Variants in FRMD8 observed in about 807,000 individuals in gnomAD.
FRMD8 encodes the protein FERM domain-containing protein 8.
Under a neutral mutation model 54.2 loss-of-function variants are expected in FRMD8, and 37 were observed. That is an observed-to-expected ratio of 0.68 (90% CI 0.53 to 0.90). The LOEUF (loss-of-function observed/expected upper bound fraction) is 0.90. Among genes scored for constraint, FRMD8 ranks in the 40% least tolerant of loss-of-function variants. The pLI is 0.00. For synonymous variants in FRMD8, 246 were observed against 286.9 expected (o/e 0.86, Z 1.44); for missense variants, 585 against 653.7 (o/e 0.89, Z 1.15).
At chr11:65,389,670 G>A in intron 3 of FRMD8, 142 bp downstream of exon 3, 2 of 841,556 alleles carry the variant, frequency 2.4e-6, no homozygotes, top group Non-Finnish European at 3.6e-6. Flanking sequence ...TTTATCCTGA[G>A]CTGTCCACCT....
chr11:65,411,105 C>A, intron 10 of FRMD8, 137 bp from the exon 11 acceptor site: 2 of 632,552 alleles, frequency 3.2e-6, no homozygotes, highest in Non-Finnish European at 5.4e-6. Flanking sequence ...GGGGCTGAGG[C>A]TCGGATGAGG....
At chr11:65,380,918 G>A in the FRMD8 span, 1 of 232,936 alleles carries the variant, frequency 4.3e-6, no homozygotes, top group South Asian at 4.5e-5. Flanking sequence ...GAGGTCAAAG[G>A]TGAACTTCCT....
chr11:65,406,122 A>G (rs1590660384), intron 10 of FRMD8, among the ~76,000 whole-genome samples: 1 of 149,836 alleles, frequency 6.7e-6, no homozygotes, highest in South Asian at 2.1e-4. Context: ...CCGCCTCCCC[A>G]GTTCTAGTGA....
intron 1 of FRMD8, 84 bp downstream of exon 1, chr11:65,386,845 C>G: frequency 1.7e-6 from 1 of 588,276 alleles, no homozygotes. Flanking sequence ...AGGTCGACCC[C>G]CGGTTCTTGA....
the FRMD8 span, among the ~76,000 whole-genome samples, chr11:65,371,220 G>A: frequency 2.6e-5 from 4 of 152,122 alleles, no homozygotes; most frequent in Non-Finnish European, 5.9e-5. Flanking sequence ...TCATCTCGTG[G>A]TTGTGTCATT....
intron 3 of FRMD8, among the ~76,000 whole-genome samples, chr11:65,390,567 C>A (rs985833878): frequency 6.6e-6 from 1 of 151,996 alleles, no homozygotes; most frequent in Non-Finnish European, 1.5e-5. Flanking sequence ...ACCCCCTCCC[C>A]CCTGCCAGTA....
chr11:65,394,359 G>A lies in FRMD8; in HGVS notation c.515G>A (p.Gly172Asp), dbSNP rs1202391878. The A allele has an allele frequency of 6.3e-7, 1 of 1,578,108 alleles. No homozygotes were observed. The change falls in exon 6 of 11, where the codon GGC becomes GAC. Residue 172 changes from glycine to aspartate, a missense_variant. Transcript: ENST00000317568. ...PCDVEDCEALGALVCRVQLGP... is the reference protein window; with the variant it reads ...PCDVEDCEALDALVCRVQLGP... The stretch of plus-strand genomic sequence containing the variant: ...GACGTGGAGGACTGCGAGGCTCTGG[G>A]CGCCCTGGTGTGCCGCGTGCAGCTT...
chr11:65,403,719 TGAG>T (rs1335731850), intron 9 of FRMD8, among the ~76,000 whole-genome samples: 1 of 152,248 alleles, frequency 6.6e-6, no homozygotes, highest in Non-Finnish European at 1.5e-5. Context: ...TTCATCAGGT[TGAG>T]GAAGTTCCTT....
chr11:65,377,299 G>A, the FRMD8 span: 2 of 1,394,568 alleles, frequency 1.4e-6, no homozygotes, highest in Middle Eastern at 2.7e-4. Context: ...AAGAGTGAGA[G>A]GCACTGCCCC....
At chr11:65,405,500 G>A (rs1856176128) in intron 10 of FRMD8, among the ~76,000 whole-genome samples, 1 of 152,180 alleles carries the variant, frequency 6.6e-6, no homozygotes, top group Admixed American at 6.5e-5. Flanking sequence ...GCAGGCGCCT[G>A]TAATCCCAGC....
At chr11:65,406,078 A>T (rs909796821) in intron 10 of FRMD8, among the ~76,000 whole-genome samples, 1 of 151,818 alleles carries the variant, frequency 6.6e-6, no homozygotes, top group African/African-American at 2.4e-5. Context: ...CCCAGGCTGG[A>T]GTACAGTGGC....
chr11:65,394,592 A>G (rs1052657498), intron 6 of FRMD8, among the ~76,000 whole-genome samples, 167 bp downstream of exon 6: 7 of 152,222 alleles, frequency 4.6e-5, no homozygotes, highest in African/African-American at 9.6e-5. Context: ...TCCGCCCCTC[A>G]GCCTCCTTTT....
intron 10 of FRMD8, among the ~76,000 whole-genome samples, chr11:65,407,074 G>C (rs1292905193): frequency 2.0e-5 from 3 of 152,198 alleles, no homozygotes; most frequent in African/African-American, 4.8e-5. Flanking sequence ...TACTGTGTCA[G>C]TGTTCATTCC....
intron 7 of FRMD8, among the ~76,000 whole-genome samples, chr11:65,399,374 T>G (rs1215118395): frequency 6.6e-6 from 1 of 151,972 alleles, no homozygotes; most frequent in Non-Finnish European, 1.5e-5. Context: ...TGCTGAAAGG[T>G]CTCCGCCTGG....
chr11:65,370,339 C>T, the FRMD8 span, among the ~76,000 whole-genome samples: 6 of 151,602 alleles, frequency 4.0e-5, no homozygotes, highest in Non-Finnish European at 8.8e-5. Flanking sequence ...GGAGCTTGCC[C>T]TGGTTCTGCA....
At chr11:65,410,958 A>AC (rs940120082) in intron 10 of FRMD8, among the ~76,000 whole-genome samples, 3 of 152,188 alleles carry the variant, frequency 2.0e-5, no homozygotes, top group Non-Finnish European at 2.9e-5. Flanking sequence ...CCAGGATCCC[A>AC]CCAGGACCCC....
In FRMD8 at chr11:65,389,456, G is replaced by C. The variant is rs576827620; in HGVS notation, c.181G>C (p.Val61Leu). The C allele has an allele frequency of 6.2e-6, 10 of 1,609,332 alleles. No individual in the cohort carries two copies. The highest frequency in any genetic ancestry group is 7.6e-6 in the Non-Finnish European group (9 of 1,179,974). The change falls in exon 3 of 11, where the codon GTC becomes CTC. Residue 61 changes from valine (V) to leucine (L), a missense_variant. Physicochemically the swap from Val to Leu is conservative, Grantham distance 32. Coordinates refer to ENST00000317568, the MANE Select transcript of FRMD8 (RefSeq NM_031904.5). ...SLSAHELHRA[V>L]REVLQLPDIA... Reference sequence around the variant, plus strand: ...CAGTGCCCATGAGCTGCACCGCGCTGTCCGCGAGGTCCTGCAGCTTCCAGA... The same window carrying C: ...CAGTGCCCATGAGCTGCACCGCGCTCTCCGCGAGGTCCTGCAGCTTCCAGA...
At chr11:65,381,882 T>G (rs757941777), upstream of FRMD8, 1 of 1,613,598 alleles carries the variant, frequency 6.2e-7, no homozygotes, top group Admixed American at 1.7e-5. Context: ...TACCATTGGG[T>G]GTGATGTGAC....
chr11:65,392,946 C>T (rs1855872762), intron 3 of FRMD8, among the ~76,000 whole-genome samples: 2 of 152,154 alleles, frequency 1.3e-5, no homozygotes, highest in African/African-American at 4.8e-5. Flanking sequence ...CTGGCACAAG[C>T]AAGCTGGGGA....
Sources: gnomAD v4.1 joint callset for allele counts (sites outside exome capture counted in the v4.1 genomes callset) on GRCh38, gnomAD v4.1.1 for gene constraint, MANE v1.5 for transcripts, NCBI Gene and HGNC (gene_info 2026-07-23, HGNC 2026-07-21) for gene names.